The following MAP3K4 variants were observed in gnomAD, a reference collection of about 807,000 sequenced individuals.
MAP3K4 encodes the protein MAP three kinase 1.
Under a neutral mutation model 185.6 loss-of-function variants are expected in MAP3K4, and 67 were observed. The ratio of observed to expected loss-of-function variants is 0.36; its 90% CI spans 0.30 to 0.44. The LOEUF is 0.44. Among genes scored for constraint, MAP3K4 ranks in the 20% least tolerant of loss-of-function variants. The probability of loss-of-function intolerance (pLI) is 1.00; values close to 1 mark genes in which losing one functional copy is unlikely to be tolerated. For synonymous variants in MAP3K4, 702 were observed against 710.4 expected, an observed-to-expected ratio of 0.99 and a Z score of 0.19; for missense variants, 1,551 against 1,995.1, an observed-to-expected ratio of 0.78 and a Z score of 4.24.
Position 160,996,237 on chromosome 6 carries a change from G to T in MAP3K4, c.152+4154G>T, listed in dbSNP as rs1780985239. 1.3e-5 allele frequency among the ~76,000 whole-genome samples: 2 copies of T among 152,204 alleles called. No individual in the cohort carries two copies. Among genetic ancestry groups the T allele is most frequent in the South Asian group, 2.1e-4 (1 of 4,826 alleles). On this transcript the variant is annotated intron_variant, in intron 1 of 26. Coordinates refer to ENST00000392142, the MANE Select transcript of MAP3K4 (RefSeq NM_005922.4). The surrounding 1 kb of genome is among the most constrained non-coding windows in gnomAD (Gnocchi z 4.5). ...GTAACAGTAGATGCCATTGGCGGGG[G>T]TGGCGTTAGGCAGAGAGGAGTCACC...
rs147164629 is a variant in MAP3K4, at chr6:161,070,949, C to T, written c.1950+99C>T. The T allele has an allele frequency of 1.9e-3, 2,152 of 1,127,096 alleles. 30 individuals carry two copies. The African/African-American group carries it at 0.03, about 16-fold the overall frequency. 69.8% of individuals were successfully genotyped at this position (1,127,096 alleles called of 1,614,324 possible). A position where few individuals can be genotyped will look rare whatever the true frequency, so the allele number is the denominator to read the frequency against. ...GAGTTCCTTTTTTTTTCTTAATTGT[C>T]GCAAATAGTGAAAAATGACTGTTTG... On this transcript the variant is annotated intron_variant, in intron 4 of 26. Coordinates refer to ENST00000392142, the MANE Select transcript of MAP3K4 (RefSeq NM_005922.4). This position sits in a 1 kb window ranked among gnomAD's most constrained non-coding sequence, Gnocchi z 4.5.
At chr6:161,058,757 G>GAT (rs148494924) in intron 3 of MAP3K4, among the ~76,000 whole-genome samples, 4,838 of 146,208 alleles carry the variant, frequency 0.033, 129 homozygotes, top group African/African-American at 0.072. Flanking sequence ...TGTCCTTGTA[G>GAT]ATATATATAT....
At chr6:161,033,172 A>G (rs373470779) in intron 1 of MAP3K4, among the ~76,000 whole-genome samples, 6 of 152,194 alleles carry the variant, frequency 3.9e-5, no homozygotes, top group African/African-American at 1.4e-4. Context: ...CCAGGAAGAA[A>G]TGGATTATAT....
In MAP3K4 at chr6:161,100,919, A is replaced by T. The variant is rs746349691; in HGVS notation, c.3675-973A>T. The T allele has an allele frequency of 6.6e-6, 1 of 152,156 alleles. No homozygotes were observed. The highest frequency in any genetic ancestry group is 1.5e-5 in the Non-Finnish European group (1 of 68,034). The allele number at this position is 152,156 out of a possible 1,614,324, so 9.4% of individuals were successfully genotyped here. A position where few individuals can be genotyped will look rare whatever the true frequency, so the allele number is the denominator to read the frequency against. ...CATCACTTCAGACTTAACAAGTGCTATACTAGATTTGAGGGCTTAGGGAAA... is the reference window on the plus strand; with the variant it reads ...CATCACTTCAGACTTAACAAGTGCTTTACTAGATTTGAGGGCTTAGGGAAA... On this transcript the variant is annotated intron_variant, in intron 17 of 26. Transcript: ENST00000392142. This position sits in a 1 kb window ranked among gnomAD's most constrained non-coding sequence, Gnocchi z 5.8.
chr6:160,994,122 C>CTT (rs201528778), intron 1 of MAP3K4, among the ~76,000 whole-genome samples: 7 of 142,450 alleles, frequency 4.9e-5, no homozygotes, highest in Admixed American at 2.8e-4. Context: ...AATGCCACCT[C>CTT]TTTTTTTTTT....
intron 1 of MAP3K4, among the ~76,000 whole-genome samples, chr6:161,013,846 C>T (rs545211430): frequency 6.6e-6 from 1 of 152,056 alleles, no homozygotes; most frequent in Admixed American, 6.6e-5. Flanking sequence ...GGGTCATTGC[C>T]GTGGAAAGGG....
At position 161,116,990 on chromosome 6, in the gene MAP3K4, C is replaced by A; in HGVS notation, c.*120C>A. ...TAACCTTCCAAGACTGAAGACTGCA[C>A]AGGTGACAAGCGTCACTTCTCCTGC... On this transcript the variant is annotated 3_prime_UTR_variant, in exon 27 of 27. Coordinates refer to ENST00000392142, the MANE Select transcript of MAP3K4 (RefSeq NM_005922.4). This position sits in a 1 kb window ranked among gnomAD's most constrained non-coding sequence, Gnocchi z 6.2. 1 of 915,908 alleles carries A rather than the reference C, an allele frequency of 1.1e-6. No individual in the cohort carries two copies. The highest frequency in any genetic ancestry group is 1.7e-6 in the Non-Finnish European group (1 of 576,772). 56.7% of individuals were successfully genotyped at this position (915,908 alleles called of 1,614,324 possible).
rs774876184 is a variant in MAP3K4 at position 161,054,279 on chromosome 6, G to A, written c.1707+4300G>A. ...AGGCTATTCTCCTGCCTCAGCCTCC[G>A]GAGTAGCTGGGATTACAGGCATGCG... On this transcript the variant is annotated intron_variant, in intron 3 of 26. Transcript: ENST00000392142. The surrounding 1 kb of genome is among the most constrained non-coding windows in gnomAD (Gnocchi z 4.2). Among the ~76,000 whole-genome samples, 2 of 151,642 alleles carry A rather than the reference G, an allele frequency of 1.3e-5. No individual in the cohort carries two copies. The highest frequency in any genetic ancestry group is 2.0e-4 in the East Asian group (1 of 5,110).
chr6:161,086,874 G>C lies in MAP3K4; in HGVS notation c.2556+207G>C, dbSNP rs116774532. 2.0e-5 allele frequency among the ~76,000 whole-genome samples: 3 copies of C among 152,190 alleles called. No homozygotes were observed. Among genetic ancestry groups the C allele is most frequent in the Non-Finnish European group, 2.9e-5 (2 of 68,042 alleles). On this transcript the variant is annotated intron_variant, in intron 9 of 26. Coordinates refer to ENST00000392142, the MANE Select transcript of MAP3K4 (RefSeq NM_005922.4). The surrounding 1 kb of genome is among the most constrained non-coding windows in gnomAD (Gnocchi z 4.8). ...CTTGACTTACTAACTTGTCTTCAGA[G>C]TGTAGATAAATAATAAAAAGTTTAC...
chr6:161,084,607 G>T lies in MAP3K4; in HGVS notation c.2362G>T (p.Asp788Tyr). The change falls in exon 7 of 27, where the codon GAC (aspartate) becomes TAC (tyrosine). Residue 788 changes from aspartate to tyrosine, a missense_variant. Coordinates refer to ENST00000392142, the MANE Select transcript of MAP3K4 (RefSeq NM_005922.4). The surrounding 1 kb of genome is among the most constrained non-coding windows in gnomAD (Gnocchi z 4.6). Reference protein sequence around the residue: ...WTSADDSSASDEIRRSVIEIS... With the variant: ...WTSADDSSASYEIRRSVIEIS... ...TAGTGCGGATGACAGCAGTGCTTCC[G>T]ACGAAATCAGGTTGGAGTTGTGCTT... 6.3e-7 allele frequency: 1 copy of T among 1,591,002 alleles called. No individual in the cohort carries two copies. Among genetic ancestry groups the T allele is most frequent in the South Asian group, 1.1e-5 (1 of 90,560 alleles).
chr6:161,048,724 G>A lies in MAP3K4; in HGVS notation c.452G>A (p.Arg151Lys). Residue 151 changes from arginine (R) to lysine (K), a missense_variant, in exon 3 of 27, where the codon AGA becomes AAA. By Grantham distance (26) the Arg-to-Lys change is conservative (BLOSUM62 2). Transcript: ENST00000392142. The surrounding 1 kb of genome is among the most constrained non-coding windows in gnomAD (Gnocchi z 4.7). ...KQEKKIRAAL[R>K]TTERDRKKNV... ...GAGAAAAAGATCCGAGCAGCTCTTA[G>A]AACAACAGAGCGTGATCGTAAAAAA... The A allele has an allele frequency of 6.2e-7, 1 of 1,613,976 alleles. No homozygotes were observed. The highest frequency in any genetic ancestry group is 8.5e-7 in the Non-Finnish European group (1 of 1,179,982).
chr6:161,085,357 C>G (rs1383879870), intron 7 of MAP3K4, among the ~76,000 whole-genome samples: 1 of 152,098 alleles, frequency 6.6e-6, no homozygotes, highest in Non-Finnish European at 1.5e-5. Context: ...GTGTATGAAA[C>G]TATGGTTTTT....
At chr6:161,085,523 A>G (rs1222296786) in intron 7 of MAP3K4, among the ~76,000 whole-genome samples, 1 of 152,224 alleles carries the variant, frequency 6.6e-6, no homozygotes, top group Non-Finnish European at 1.5e-5. Flanking sequence ...GCTCATATAG[A>G]ACTGACTTCT....
chr6:161,104,682 G>A (rs1777985836), intron 19 of MAP3K4, among the ~76,000 whole-genome samples: 1 of 142,622 alleles, frequency 7.0e-6, no homozygotes, highest in African/African-American at 2.6e-5. Context: ...CTGTACTCCA[G>A]CCTGGTGACA....
Position 160,992,038 on chromosome 6 carries a change from C to T in MAP3K4, c.107C>T (p.Pro36Leu). 6.4e-7 allele frequency: 1 copy of T among 1,574,308 alleles called. No homozygotes were observed. ...PPPPPPPPPP[P>L]EPETESEPEC... is the part of the protein sequence containing the mutation. Reference sequence around the variant, plus strand: ...CCGCCGCCGCCGCCACCACCGCCACCGGAACCCGAGACCGAGTCAGAACCC... The same window carrying T: ...CCGCCGCCGCCGCCACCACCGCCACTGGAACCCGAGACCGAGTCAGAACCC... Residue 36 changes from proline to leucine, a missense_variant, in exon 1 of 27, where the codon CCG becomes CTG. Physicochemically the swap from Pro to Leu is moderately conservative, Grantham distance 98. This residue lies in a region of MAP3K4 where 287 missense variants were observed against 268.8 expected (regional missense o/e 1.07). Coordinates refer to ENST00000392142, the MANE Select transcript of MAP3K4 (RefSeq NM_005922.4).
In MAP3K4 at chr6:161,049,323, T is replaced by C. The variant is rs781400872; in HGVS notation, c.1051T>C (p.Phe351Leu). 6.2e-7 allele frequency: 1 copy of C among 1,614,150 alleles called. No homozygotes were observed. Among genetic ancestry groups the C allele is most frequent in the Non-Finnish European group, 8.5e-7 (1 of 1,180,020 alleles). ...GCATCTCCAACGCCAGAGGGTCTCA[T>C]TTGAGCAGGTAAAACGGATAATGGA... ...HEHLQRQRVS[F>L]EQVKRIMELL... The change falls in exon 3 of 27, where the codon TTT becomes CTT. Residue 351 changes from phenylalanine (F) to leucine (L), a missense_variant. Phe to Leu is a conservative substitution (Grantham distance 22). Around this residue, in one of 16 missense-constraint regions of MAP3K4, gnomAD observed 93 missense variants for 96.7 expected, o/e 0.96. Coordinates refer to ENST00000392142, the MANE Select transcript of MAP3K4 (RefSeq NM_005922.4). This position sits in a 1 kb window ranked among gnomAD's most constrained non-coding sequence, Gnocchi z 8.4.
At chr6:161,079,385 C>T (rs1457152061) in intron 5 of MAP3K4, among the ~76,000 whole-genome samples, 14 of 151,968 alleles carry the variant, frequency 9.2e-5, no homozygotes, top group Non-Finnish European at 5.9e-5. Context: ...TGAGACCAGC[C>T]TGACCAACAT....
In MAP3K4 at chr6:161,054,523, TA is replaced by T. The variant is rs555869741; in HGVS notation, c.1707+4553del. 5.9e-5 allele frequency among the ~76,000 whole-genome samples: 9 copies of T among 151,752 alleles called. No individual in the cohort carries two copies. Among genetic ancestry groups the T allele is most frequent in the African/African-American group, 1.2e-4 (5 of 41,406 alleles). On this transcript the variant is annotated intron_variant, in intron 3 of 26. Coordinates refer to ENST00000392142, the MANE Select transcript of MAP3K4 (RefSeq NM_005922.4). The surrounding 1 kb of genome is among the most constrained non-coding windows in gnomAD (Gnocchi z 4.2). Reference sequence around the variant, plus strand: ...TTTAAAAGAACTGAACTAGCAATACTAAAAAAAAATCTGTTTGCAGTTTGTT... The same window carrying T: ...TTTAAAAGAACTGAACTAGCAATACTAAAAAAAATCTGTTTGCAGTTTGTT...
intron 1 of MAP3K4, among the ~76,000 whole-genome samples, chr6:160,994,492 C>A (rs1780902099): frequency 6.6e-6 from 1 of 152,096 alleles, no homozygotes; most frequent in Non-Finnish European, 1.5e-5. Flanking sequence ...GAGTAGTAGT[C>A]CATGGTGTAT....
Sources: gnomAD v4.1 joint callset for allele counts (sites outside exome capture counted in the v4.1 genomes callset) on GRCh38, gnomAD v4.1.1 for gene constraint, gnomAD v4.1.1 regional missense constraint, Gnocchi (gnomAD v3.1) non-coding constraint, MANE v1.5 for transcripts, NCBI Gene and HGNC (gene_info 2026-07-23, HGNC 2026-07-21) for gene names.